SPTBN5: variants seen among roughly 807,000 people sequenced by gnomAD.
SPTBN5 encodes spectrin beta chain, non-erythrocytic 5.
A neutral mutation model predicts 477.6 loss-of-function variants in SPTBN5; 513 were observed. The observed-to-expected ratio is 1.07, with a 90% confidence interval of 1.00 to 1.16. SPTBN5 has a LOEUF of 1.16. Ranked by LOEUF, SPTBN5 falls within the 50% of genes most tolerant of loss-of-function variation. SPTBN5 has a pLI of 0.00. For synonymous variants in SPTBN5, 2,169 were observed against 2,011.7 expected (o/e 1.08, Z -2.09); for missense variants, 5,062 against 4,731.8 (o/e 1.07, Z -2.05).
intron 67 of SPTBN5, among the ~76,000 whole-genome samples, chr15:41,849,628 C>T (rs1202836754): frequency 1.3e-5 from 2 of 152,184 alleles, no homozygotes; most frequent in Non-Finnish European, 2.9e-5. Context: ...AGGGTCCCCA[C>T]ACTAGAGCCT....
rs2066205054 is a variant in SPTBN5, at chr15:41,863,832, G to A, written c.7035-14C>T. ...AAACTCGCCCACCTGGCCAAGGGGT[G>A]GTGGTGTCATGTGGAGCCTGAGGTG... On this transcript the variant is annotated splice_polypyrimidine_tract_variant and intron_variant, in intron 40 of 67. Transcript: ENST00000320955. 1.2e-6 allele frequency: 2 copies of A among 1,613,650 alleles called. No individual in the cohort carries two copies. Among genetic ancestry groups the A allele is most frequent in the Non-Finnish European group, 1.7e-6 (2 of 1,179,670 alleles).
At chr15:41,870,210 G>T in intron 31 of SPTBN5, 33 bp downstream of exon 31, 1 of 1,536,742 alleles carries the variant, frequency 6.5e-7, no homozygotes, top group South Asian at 1.2e-5. Context: ...GGCTGCAGGG[G>T]CCTGGGTCGG....
chr15:41,888,717 T>C (rs997523758), intron 4 of SPTBN5, among the ~76,000 whole-genome samples: 1 of 152,260 alleles, frequency 6.6e-6, no homozygotes, highest in East Asian at 1.9e-4. Flanking sequence ...TGCCTTGGCC[T>C]CCCAAAGTGC....
Position 41,875,479 on chromosome 15 carries a change from C to T in SPTBN5, c.4266G>A (p.Glu1422=). ...GDELQQAGQQ[E]QLLRQLQDAK... ...GGACCTGCAGCTGCCTCAGGAGTTG[C>T]TCCTGCTGTCCAGCCTGCTGGAGCT... Residue 1422 remains glutamate, a synonymous_variant, in exon 22 of 68, where the codon GAG becomes GAA. Transcript: ENST00000320955. 6.2e-7 allele frequency: 1 copy of T among 1,612,452 alleles called. No individual in the cohort carries two copies.
intron 12 of SPTBN5, 86 bp downstream of exon 12, chr15:41,881,850 A>G (rs968074348): frequency 4.5e-6 from 6 of 1,323,998 alleles, no homozygotes; most frequent in Non-Finnish European, 6.0e-6. Flanking sequence ...CAGAGGCCAC[A>G]AAGGCCCTCC....
intron 51 of SPTBN5, 83 bp from the exon 52 acceptor site, chr15:41,857,122 C>T: frequency 6.6e-7 from 1 of 1,518,214 alleles, no homozygotes; most frequent in East Asian, 2.4e-5. Flanking sequence ...GATCACCCAG[C>T]TGTGGCCCTC....
At chr15:41,878,022 AGG>A (rs529772827) in intron 17 of SPTBN5, among the ~76,000 whole-genome samples, 13 of 152,134 alleles carry the variant, frequency 8.5e-5, no homozygotes, top group African/African-American at 2.9e-4. Flanking sequence ...CCAGGACGGC[AGG>A]GGGGGCTAGA....
rs1348444502 is a variant in SPTBN5 at position 41,887,361 on chromosome 15, T to C, written c.740A>G (p.Gln247Arg). 1.4e-5 allele frequency: 22 copies of C among 1,552,910 alleles called. 1 individual carries two copies. The highest frequency in any genetic ancestry group is 3.9e-5 in the Admixed American group (2 of 51,166). ...NLAFAFLVAE[Q>R]ELGIAQLLDP... ...CAGCAGCTGAGCAATGCCCAGCTCC[T>C]GCTCAGCCACCAGGAAAGCAAAAGC... Residue 247 changes from glutamine (Q) to arginine (R), a missense_variant, in exon 6 of 68, where the codon CAG becomes CGG. Physicochemically the swap from Gln to Arg is conservative, Grantham distance 43. Transcript: ENST00000320955.
intron 30 of SPTBN5, 30 bp from the exon 31 acceptor site, chr15:41,870,383 G>C (rs756071030): frequency 6.9e-6 from 11 of 1,600,476 alleles, no homozygotes; most frequent in South Asian, 1.1e-5. Context: ...GAGGAGATGA[G>C]GGATGGAGCG....
At chr15:41,867,895 A>C (rs1297482170) in intron 34 of SPTBN5, among the ~76,000 whole-genome samples, 174 bp downstream of exon 34, 1 of 152,226 alleles carries the variant, frequency 6.6e-6, no homozygotes, top group Non-Finnish European at 1.5e-5. Context: ...TGGGGATGTC[A>C]GTGGACGCTC....
chr15:41,851,400 G>A (rs945260692), intron 63 of SPTBN5, 31 bp from the exon 64 acceptor site: 42 of 1,496,084 alleles, frequency 2.8e-5, no homozygotes, highest in Admixed American at 9.9e-5. Flanking sequence ...GGTCGCATGA[G>A]CCACACGCAG....
intron 58 of SPTBN5, 63 bp downstream of exon 58, chr15:41,853,519 A>G: frequency 1.3e-6 from 2 of 1,538,140 alleles, no homozygotes; most frequent in South Asian, 1.2e-5. Context: ...AGCTCCCCCA[A>G]GAGCCAGGAT....
At chr15:41,893,236 G>T (rs2067368933) in intron 2 of SPTBN5, 46 bp downstream of exon 2, 1 of 1,611,588 alleles carries the variant, frequency 6.2e-7, no homozygotes, top group African/African-American at 1.3e-5. Flanking sequence ...GCCAGAGCTG[G>T]GGGCCTGGTA....
rs1411575965 is a variant in SPTBN5, at chr15:41,866,225, C to T, written c.6635G>A (p.Gly2212Glu). ...EEVMTSVAKK[G>E]EALLAQSHPR... ...GTGACTCTGTGCCAGGAGAGCCTCTCCCTTCTGGAGGGAGAGAGGGGACAC... is the reference window on the plus strand; with the variant it reads ...GTGACTCTGTGCCAGGAGAGCCTCTTCCTTCTGGAGGGAGAGAGGGGACAC... Residue 2212 changes from glycine (G) to glutamate (E), a missense_variant, in exon 38 of 68, where the codon GGA (glycine) becomes GAA (glutamate). Transcript: ENST00000320955. 6.3e-7 allele frequency: 1 copy of T among 1,593,064 alleles called. No homozygotes were observed. Among genetic ancestry groups the T allele is most frequent in the African/African-American group, 1.4e-5 (1 of 74,028 alleles).
In SPTBN5 at chr15:41,880,297, A is replaced by G. The variant is rs1192486404; in HGVS notation, c.2674T>C (p.Leu892=). The G allele has an allele frequency of 6.2e-7, 1 of 1,604,626 alleles. No homozygotes were observed. Among genetic ancestry groups the G allele is most frequent in the Non-Finnish European group, 8.5e-7 (1 of 1,176,536 alleles). The change falls in exon 14 of 68, where the codon TTG becomes CTG. Residue 892 remains leucine, a synonymous_variant. Transcript: ENST00000320955. ...RALAQLRRAR[L]EEAMALFGFC... is the part of the protein sequence containing the mutation. Reference sequence around the variant, plus strand: ...CCGAACAGGGCCATGGCCTCCTCCAACCGGGCCCTGCGGAGCTGGGGAGAG... The same window carrying G: ...CCGAACAGGGCCATGGCCTCCTCCAGCCGGGCCCTGCGGAGCTGGGGAGAG...
rs767374442 is a variant in SPTBN5, at chr15:41,875,819, C to T, written c.4123-197G>A. On this transcript the variant is annotated intron_variant, in intron 21 of 67. Coordinates refer to ENST00000320955, the MANE Select transcript of SPTBN5 (RefSeq NM_016642.4). The stretch of plus-strand genomic sequence containing the variant: ...TTTCCTCTGACCCCTGCAAATAGAG[C>T]GGGGTGAGCCGGCATTAGGTTGGTG... Among the ~76,000 whole-genome samples, 7 of 152,200 alleles carry T rather than the reference C, an allele frequency of 4.6e-5. No individual in the cohort carries two copies. The East Asian group carries it at 7.7e-4, about 17-fold the overall frequency.
rs753281451 is a variant in SPTBN5, at chr15:41,881,957, C to T, written c.2436G>A (p.Ser812=). ...TCACCGTGAATAACGACGCCCGGGC[C>T]GAGGCCGCCCGCCCCTGCTCCTCCA... ...RRLEEQGRAA[S]ARASLFTVNS... is the part of the protein sequence containing the mutation. The change falls in exon 12 of 68, where the codon TCG becomes TCA. Residue 812 remains serine, a synonymous_variant. Coordinates refer to ENST00000320955, the MANE Select transcript of SPTBN5 (RefSeq NM_016642.4). 2 of 1,527,710 alleles carry T rather than the reference C, an allele frequency of 1.3e-6. No homozygotes were observed. Among genetic ancestry groups the T allele is most frequent in the African/African-American group, 1.4e-5 (1 of 70,730 alleles). 94.6% of individuals were successfully genotyped at this position (1,527,710 alleles called of 1,614,324 possible). A position where few individuals can be genotyped will look rare whatever the true frequency, so the allele number is the denominator to read the frequency against.
At chr15:41,858,510 A>C in intron 49 of SPTBN5, 92 bp downstream of exon 49, 245 of 1,432,910 alleles carry the variant, frequency 1.7e-4, no homozygotes, top group Middle Eastern at 2.4e-4. Flanking sequence ...AACGCTGGCC[A>C]CCGTTACTGT....
chr15:41,887,849 G>T, intron 5 of SPTBN5, 79 bp downstream of exon 5: 1 of 1,416,028 alleles, frequency 7.1e-7, no homozygotes, highest in Non-Finnish European at 9.6e-7. Flanking sequence ...GGATGTGGGA[G>T]AACGGGTGGG....
Sources: gnomAD v4.1 joint callset for allele counts (sites outside exome capture counted in the v4.1 genomes callset) on GRCh38, gnomAD v4.1.1 for gene constraint, MANE v1.5 for transcripts, NCBI Gene and HGNC (gene_info 2026-07-23, HGNC 2026-07-21) for gene names.